The following WDCP variants were observed in gnomAD, a reference collection of about 807,000 sequenced individuals.
WDCP encodes the protein WD repeat and coiled coil containing.
WDCP carries 19 observed loss-of-function variants against 41.6 expected under a neutral mutation model. The ratio of observed to expected loss-of-function variants is 0.46; its 90% CI spans 0.32 to 0.67. The LOEUF (loss-of-function observed/expected upper bound fraction) is 0.67. Among genes scored for constraint, WDCP ranks in the 30% least tolerant of loss-of-function variants. The pLI, the probability that WDCP is intolerant of heterozygous loss-of-function variation, is 0.04. For synonymous variants in WDCP, 302 were observed against 320.8 expected (o/e 0.94, Z 0.63); for missense variants, 802 against 850.7 (o/e 0.94, Z 0.71).
At chr2:24,037,457 C>T (rs574658284) in intron 2 of WDCP, among the ~76,000 whole-genome samples, 1 of 152,268 alleles carries the variant, frequency 6.6e-6, no homozygotes, top group Admixed American at 6.5e-5. Context: ...ACGTCATGCA[C>T]CTGATAAAAT....
At chr2:24,031,308 G>T in intron 3 of WDCP, 146 bp from the exon 4 acceptor site, 1 of 629,050 alleles carries the variant, frequency 1.6e-6, no homozygotes, top group Admixed American at 2.9e-5. Flanking sequence ...CAGAGAATGG[G>T]GTATTGGGAA....
At chr2:24,045,026 G>C (rs919177473) in intron 1 of WDCP, among the ~76,000 whole-genome samples, 4 of 152,036 alleles carry the variant, frequency 2.6e-5, no homozygotes, top group Admixed American at 2.6e-4. Context: ...TGGAATCTTG[G>C]GGGAACCAGC....
intron 1 of WDCP, among the ~76,000 whole-genome samples, chr2:24,041,090 G>A (rs1441285942): frequency 6.6e-6 from 1 of 152,112 alleles, no homozygotes. Context: ...TGTAATCCCA[G>A]CACTTTGGGA....
chr2:24,036,580 G>A (rs1663263883), intron 2 of WDCP, among the ~76,000 whole-genome samples: 1 of 152,110 alleles, frequency 6.6e-6, no homozygotes, highest in African/African-American at 2.4e-5. Context: ...TTCTACTTCT[G>A]GGAACCAATC....
Position 24,038,547 on chromosome 2 carries a change from A to G in WDCP, c.948T>C (p.Ser316=). The G allele has an allele frequency of 6.2e-7, 1 of 1,614,262 alleles. No homozygotes were observed. Among genetic ancestry groups the G allele is most frequent in the African/African-American group, 1.3e-5 (1 of 75,078 alleles). The stretch of plus-strand genomic sequence containing the variant: ...TAAAGGTCACAAGGACCAAATGTGA[A>G]GAATCTTGGCCAGTTCCTGTCAAGT... ...KDYLTGTGQD[S]SHLVLVTFKK... The change falls in exon 2 of 4, where the codon TCT becomes TCC. Residue 316 remains serine (S), a synonymous_variant. Coordinates refer to ENST00000295148, the MANE Select transcript of WDCP (RefSeq NM_025203.3).
In WDCP at chr2:24,037,771, A is replaced by C; in HGVS notation, c.1724T>G (p.Leu575Arg). Residue 575 changes from leucine (L) to arginine (R), a missense_variant, in exon 2 of 4, where the codon CTT becomes CGT. This residue lies in a region of WDCP where 321 missense variants were observed against 305.1 expected (regional missense o/e 1.05). Transcript: ENST00000295148. The part of the protein sequence containing the change: ...SRNLVEMQRC[L>R]SELTNRLHNG... The stretch of plus-strand genomic sequence containing the variant: ...ATGCAGACGGTTTGTAAGTTCAGAA[A>C]GACACCGTTGCATTTCAACCAGGTT... 6.2e-7 allele frequency: 1 copy of C among 1,614,256 alleles called. No homozygotes were observed. Among genetic ancestry groups the C allele is most frequent in the South Asian group, 1.1e-5 (1 of 91,086 alleles).
rs1418943253 is a variant in WDCP, at chr2:24,031,090, A to C, written c.2009T>G (p.Ile670Arg). ...GGACAGGCTGCCATCTCTTATGATT[A>C]TTTCCTGTGTGGCTGTGAAGGTTAA... ...IPLTFTATQE[I>R]IIRDGSLSRS... Residue 670 changes from isoleucine (I) to arginine (R), a missense_variant, in exon 4 of 4, where the codon ATA becomes AGA. Transcript: ENST00000295148. 1 of 1,614,210 alleles carries C rather than the reference A, an allele frequency of 6.2e-7. No homozygotes were observed. The highest frequency in any genetic ancestry group is 1.1e-5 in the South Asian group (1 of 91,086).
At chr2:24,034,806 CT>C (rs1056679030) in intron 2 of WDCP, among the ~76,000 whole-genome samples, 1 of 152,026 alleles carries the variant, frequency 6.6e-6, no homozygotes, top group African/African-American at 2.4e-5. Flanking sequence ...AACTCCTGGA[CT>C]CAAGTGATCT....
At chr2:24,034,574 C>CTTT (rs70944707) in intron 2 of WDCP, among the ~76,000 whole-genome samples, 10 of 138,034 alleles carry the variant, frequency 7.2e-5, no homozygotes, top group East Asian at 2.1e-4. Context: ...GGCAACAAAA[C>CTTT]TTTTTTTTTT....
chr2:24,037,883 C>T lies in WDCP; in HGVS notation c.1612G>A (p.Glu538Lys). ...SSTPDHTSTL[E>K]PPRLPQRKNL... is the part of the protein sequence containing the mutation. Reference sequence around the variant, plus strand: ...TTTCTTTGAGGCAAACGAGGAGGCTCCAGTGTGCTGGTGTGGTCTGGTGTG... The same window carrying T: ...TTTCTTTGAGGCAAACGAGGAGGCTTCAGTGTGCTGGTGTGGTCTGGTGTG... The change falls in exon 2 of 4, where the codon GAG becomes AAG. Residue 538 changes from glutamate (E) to lysine (K), a missense_variant. Transcript: ENST00000295148. 1 of 1,614,138 alleles carries T rather than the reference C, an allele frequency of 6.2e-7. No homozygotes were observed. The highest frequency in any genetic ancestry group is 8.5e-7 in the Non-Finnish European group (1 of 1,180,032).
At position 24,032,942 on chromosome 2, in the gene WDCP, G is replaced by C; in HGVS notation, c.1823C>G (p.Pro608Arg). ...TTCAACAACAGGACCTAGATAATAA[G>C]GTTTCTGCAAATAAAAAATAAAAGT... ...LPYVHIIYQK[P>R]YYLGPVVEKR... Residue 608 changes from proline (P) to arginine (R), a missense_variant, in exon 3 of 4, where the codon CCT (proline) becomes CGT (arginine). This residue lies in a region of WDCP where 321 missense variants were observed against 305.1 expected (regional missense o/e 1.05). Coordinates refer to ENST00000295148, the MANE Select transcript of WDCP (RefSeq NM_025203.3). The C allele has an allele frequency of 4.4e-6, 7 of 1,579,490 alleles. No homozygotes were observed. Among genetic ancestry groups the C allele is most frequent in the African/African-American group, 1.3e-5 (1 of 74,194 alleles).
At chr2:24,042,160 G>A (rs1485449005) in intron 1 of WDCP, among the ~76,000 whole-genome samples, 3 of 152,068 alleles carry the variant, frequency 2.0e-5, no homozygotes, top group Non-Finnish European at 2.9e-5. Flanking sequence ...CCAGCACTTT[G>A]GGAGCCCGAG....
At position 24,038,833 on chromosome 2, in the gene WDCP, G is replaced by C. The variant is rs1663336919; in HGVS notation, c.662C>G (p.Thr221Ser). 1 of 1,614,120 alleles carries C rather than the reference G, an allele frequency of 6.2e-7. No homozygotes were observed. The highest frequency in any genetic ancestry group is 8.5e-7 in the Non-Finnish European group (1 of 1,180,050). The change falls in exon 2 of 4, where the codon ACT becomes AGT. Residue 221 changes from threonine (T) to serine (S), a missense_variant. Thr to Ser is a moderately conservative substitution (Grantham distance 58). Coordinates refer to ENST00000295148, the MANE Select transcript of WDCP (RefSeq NM_025203.3). ...ACAGATCTTATCCAATGGAAGCTCA[G>C]TAGCTATAGCAACCTGTGAGTCCAC... ...ATVDSQVAIATELPLDKICGL... is the reference protein window; with the variant it reads ...ATVDSQVAIASELPLDKICGL...
chr2:24,036,552 T>C (rs1663263216), intron 2 of WDCP, among the ~76,000 whole-genome samples: 1 of 152,208 alleles, frequency 6.6e-6, no homozygotes, highest in African/African-American at 2.4e-5. Context: ...GAAACACATA[T>C]ACTCTTCAAA....
rs566152330 is a variant in WDCP, at chr2:24,045,663, G to T, written c.-19+1651C>A. On this transcript the variant is annotated intron_variant, in intron 1 of 3. Coordinates refer to ENST00000295148, the MANE Select transcript of WDCP (RefSeq NM_025203.3). ...GAAGGAAGGAAGGAAGGAAGGGGGAGGGGGAGGGAAGGAAGAAAGGAAAGG... is the reference window on the plus strand; with the variant it reads ...GAAGGAAGGAAGGAAGGAAGGGGGATGGGGAGGGAAGGAAGAAAGGAAAGG... Among the ~76,000 whole-genome samples the T allele has an allele frequency of 4.4e-5, 6 of 136,650 alleles. No homozygotes were observed. In the South Asian group the frequency reaches 1.1e-3, roughly 26 times the overall value. 89.6% of individuals were successfully genotyped at this position (136,650 alleles called of 152,430 possible).
At chr2:24,033,616 T>C (rs1182584568) in intron 2 of WDCP, among the ~76,000 whole-genome samples, 2 of 151,188 alleles carry the variant, frequency 1.3e-5, no homozygotes, top group South Asian at 2.1e-4. Flanking sequence ...TGGTACACAC[T>C]TGTAGTCCCA....
Position 24,039,430 on chromosome 2 carries a change from G to A in WDCP, c.65C>T (p.Pro22Leu), listed in dbSNP as rs370547599. 25 of 1,614,092 alleles carry A rather than the reference G, an allele frequency of 1.5e-5. No individual in the cohort carries two copies. Among genetic ancestry groups the A allele is most frequent in the Non-Finnish European group, 2.0e-5 (24 of 1,180,040 alleles). The change falls in exon 2 of 4, where the codon CCG becomes CTG. Residue 22 changes from proline (P) to leucine (L), a missense_variant. Transcript: ENST00000295148. ...GLNALHQAVH[P>L]IHGLAWTDGN... ...ATCGGTCCAGGCAAGGCCATGGATC[G>A]GATGCACTGCTTGATGCAACGCATT... is the stretch of plus-strand genomic sequence containing the variant.
chr2:24,038,331 T>C lies in WDCP; in HGVS notation c.1164A>G (p.Pro388=). ...GGTCTGTCAAGAAACATATCCCTTT[T>C]GGTCTTTCAGTGTTCTCTAATCGAA... ...QQIRLENTER[P]KGICFLTDQL... Residue 388 remains proline, a synonymous_variant, in exon 2 of 4, where the codon CCA becomes CCG. Coordinates refer to ENST00000295148, the MANE Select transcript of WDCP (RefSeq NM_025203.3). The C allele has an allele frequency of 6.2e-7, 1 of 1,614,238 alleles. No homozygotes were observed.
chr2:24,031,220 A>T, intron 3 of WDCP, 58 bp from the exon 4 acceptor site: 1 of 1,316,116 alleles, frequency 7.6e-7, no homozygotes, highest in Non-Finnish European at 1.1e-6. Flanking sequence ...ATGATGAAAC[A>T]TATGACTACA....
Sources: allele counts gnomAD v4.1 joint callset (sites outside exome capture counted in the v4.1 genomes callset), GRCh38; gene constraint gnomAD v4.1.1; regional missense constraint gnomAD v4.1.1; transcripts MANE v1.5; gene names NCBI Gene and HGNC (gene_info 2026-07-23, HGNC 2026-07-21).